The following AP1S1 variants were observed in gnomAD, a reference collection of about 807,000 sequenced individuals.
AP1S1 encodes the protein adaptor related protein complex 1 subunit sigma 1.
AP1S1 carries 13 observed loss-of-function variants against 23.9 expected under a neutral mutation model. The ratio of observed to expected loss-of-function variants is 0.54; its 90% CI spans 0.35 to 0.86. AP1S1 has a LOEUF of 0.86. Among genes scored for constraint, AP1S1 ranks in the 40% least tolerant of loss-of-function variants. The pLI, the probability that AP1S1 is intolerant of heterozygous loss-of-function variation, is 0.01. For synonymous variants in AP1S1, 84 were observed against 77.7 expected, an observed-to-expected ratio of 1.08 and a Z score of -0.43; for missense variants, 119 against 197.6, an observed-to-expected ratio of 0.60 and a Z score of 2.38.
At chr7:101,156,985 C>T (rs887474714) in intron 2 of AP1S1, among the ~76,000 whole-genome samples, 2 of 150,224 alleles carry the variant, frequency 1.3e-5, no homozygotes, top group African/African-American at 2.4e-5. Flanking sequence ...TCACGTGCAA[C>T]ACCTGCCTCA....
chr7:101,154,612 G>T, intron 1 of AP1S1, 95 bp downstream of exon 1: 3 of 1,503,870 alleles, frequency 2.0e-6, no homozygotes, highest in African/African-American at 1.4e-5. Context: ...GAACCGCCCT[G>T]TCTTCCCTCT....
intron 1 of AP1S1, chr7:101,155,131 T>G: frequency 1.6e-5 from 11 of 681,360 alleles, no homozygotes; most frequent in Non-Finnish European, 1.6e-5. Context: ...CTTTCCGGAA[T>G]CCAGGCCTTC....
At position 101,157,051 on chromosome 7, in the gene AP1S1, A is replaced by G. The variant is rs529555482; in HGVS notation, c.182+279A>G. Among the ~76,000 whole-genome samples, 49 of 152,046 alleles carry G rather than the reference A, an allele frequency of 3.2e-4. 1 individual carries two copies. Among genetic ancestry groups the G allele is most frequent in the South Asian group, 6.2e-4 (3 of 4,822 alleles). On this transcript the variant is annotated intron_variant, in intron 2 of 4. Coordinates refer to ENST00000337619, the MANE Select transcript of AP1S1 (RefSeq NM_001283.5). ...CCACTGCGCATGTCCCTTGCAGTCA[A>G]AGGTCCTGCCCTACTTTTCCTAACA...
chr7:101,154,998 G>A, intron 1 of AP1S1: 1 of 995,960 alleles, frequency 1.0e-6, no homozygotes, highest in Non-Finnish European at 1.2e-6. Flanking sequence ...TACTGCGTTC[G>A]TGGCCGTGCT....
chr7:101,154,593 C>T (rs1299694004), intron 1 of AP1S1, 76 bp downstream of exon 1: 5 of 1,532,170 alleles, frequency 3.3e-6, no homozygotes, highest in South Asian at 2.4e-5. Context: ...CGGGGGCCGC[C>T]CTCGGGGTGA....
Position 101,160,763 on chromosome 7 carries a change from C to T in AP1S1, c.*197C>T, listed in dbSNP as rs771590441. On this transcript the variant is annotated 3_prime_UTR_variant, in exon 5 of 5. Transcript: ENST00000337619. The stretch of plus-strand genomic sequence containing the variant: ...CCCTACCTCCACTTTCCCCTTTTCC[C>T]ACTGAAGGTTTTAGAAGCTAGGAGG... The T allele has an allele frequency of 6.7e-6, 5 of 750,812 alleles. No individual in the cohort carries two copies. The highest frequency in any genetic ancestry group is 5.9e-5 in the South Asian group (4 of 67,868). The allele number at this position is 750,812 out of a possible 1,614,324, so 46.5% of individuals were successfully genotyped here.
intron 4 of AP1S1, among the ~76,000 whole-genome samples, chr7:101,159,990 A>G (rs1797066756): frequency 1.5e-5 from 1 of 67,780 alleles, no homozygotes; most frequent in South Asian, 3.9e-4. Flanking sequence ...TGGCGCGCAC[A>G]CACACACACA....
rs771316468 is a variant in AP1S1 at position 101,156,743 on chromosome 7, G to A, written c.153G>A (p.Glu51=). The A allele has an allele frequency of 1.4e-4, 222 of 1,592,546 alleles. No individual in the cohort carries two copies. Among genetic ancestry groups the A allele is most frequent in the Non-Finnish European group, 5.1e-5 (60 of 1,167,256 alleles). Residue 51 remains glutamate (E), a synonymous_variant, in exon 2 of 5, where the codon GAG becomes GAA. Transcript: ENST00000337619. The part of the protein sequence containing the change: ...ARKPKMCSFL[E]WRDLKVVYKR... ...AGCCCAAGATGTGCAGCTTCCTGGA[G>A]TGGAGGGACCTCAAAGTTGTCTATA...
chr7:101,157,818 G>T (rs1029275820), intron 3 of AP1S1, among the ~76,000 whole-genome samples: 2 of 152,144 alleles, frequency 1.3e-5, no homozygotes, highest in African/African-American at 4.8e-5. Context: ...TCACCTGGAG[G>T]AATGCCGCCT....
intron 4 of AP1S1, 103 bp downstream of exon 4, chr7:101,159,299 G>C (rs1797047016): frequency 1.3e-6 from 2 of 1,488,510 alleles, no homozygotes; most frequent in East Asian, 2.5e-5. Context: ...TCGCCAAGGA[G>C]CCCCCCCTCC....
rs1364273308 is a variant in AP1S1, at chr7:101,157,246, A to G, written c.183-131A>G. 10 of 637,482 alleles carry G rather than the reference A, an allele frequency of 1.6e-5. No individual in the cohort carries two copies. In the Admixed American group the frequency reaches 2.8e-4, roughly 18 times the overall value. The allele number at this position is 637,482 out of a possible 1,614,324, so 39.5% of individuals were successfully genotyped here. ...AAGAGGCAGGTGAGTTACTCTTTAC[A>G]TGCCCTAGGGCCACCTCACCTGTGG... is the stretch of plus-strand genomic sequence containing the variant. On this transcript the variant is annotated intron_variant, in intron 2 of 4. Transcript: ENST00000337619.
Position 101,159,139 on chromosome 7 carries a change from G to A in AP1S1, c.372G>A (p.Gln124=). The A allele has an allele frequency of 1.2e-6, 2 of 1,613,786 alleles. No individual in the cohort carries two copies. The highest frequency in any genetic ancestry group is 1.7e-6 in the Non-Finnish European group (2 of 1,179,810). The part of the protein sequence containing the change: ...LDEFLMGGDV[Q]DTSKKSVLKA... ...AGTTTTTGATGGGGGGGGATGTCCA[G>A]GACACCTCCAAGAAGAGTGTGCTGA... Residue 124 remains glutamine (Q), a synonymous_variant, in exon 4 of 5, where the codon CAG becomes CAA. Transcript: ENST00000337619.
intron 4 of AP1S1, among the ~76,000 whole-genome samples, chr7:101,159,984 GCGCACA>G (rs1408372244): frequency 1.1e-4 from 16 of 140,682 alleles, no homozygotes; most frequent in African/African-American, 1.6e-4. Context: ...ACACCCTGGC[GCGCACA>G]CACACACACA....
At chr7:101,156,922 T>TC (rs1797001604) in intron 2 of AP1S1, 150 bp downstream of exon 2, 2 of 758,424 alleles carry the variant, frequency 2.6e-6, no homozygotes, top group African/African-American at 3.6e-5. Context: ...TTTTTTTTTT[T>TC]TTTTTTTCTC....
At chr7:101,155,393 C>A (rs1796977381) in intron 1 of AP1S1, among the ~76,000 whole-genome samples, 1 of 152,132 alleles carries the variant, frequency 6.6e-6, no homozygotes, top group African/African-American at 2.4e-5. Context: ...GTACACTGGG[C>A]AGTGAGGGTT....
chr7:101,155,837 T>C (rs1253345690), intron 1 of AP1S1, among the ~76,000 whole-genome samples: 2 of 152,190 alleles, frequency 1.3e-5, no homozygotes, highest in African/African-American at 2.4e-5. Context: ...AGGCATTTCT[T>C]TGGCGTCGGT....
rs903033922 is a variant in AP1S1, at chr7:101,154,845, T to C, written c.3+328T>C. On this transcript the variant is annotated intron_variant, in intron 1 of 4. Transcript: ENST00000337619. ...CAGGGAAGCCGCCCGAAGCAGAGGG[T>C]TGCGGGAGTCTCTTTGCTGAGGGAG... 31 of 825,294 alleles carry C rather than the reference T, an allele frequency of 3.8e-5. No individual in the cohort carries two copies. In the African/African-American group the frequency reaches 4.6e-4, roughly 12 times the overall value. 51.1% of individuals were successfully genotyped at this position (825,294 alleles called of 1,614,324 possible).
intron 3 of AP1S1, among the ~76,000 whole-genome samples, chr7:101,158,589 G>A (rs957722339): frequency 1.3e-5 from 2 of 152,178 alleles, no homozygotes; most frequent in Non-Finnish European, 2.9e-5. Flanking sequence ...GAGGAAAGAT[G>A]CAAGAGGAAG....
intron 4 of AP1S1, among the ~76,000 whole-genome samples, chr7:101,160,252 A>C (rs1797074344): frequency 6.6e-6 from 1 of 151,376 alleles, no homozygotes; most frequent in Non-Finnish European, 1.5e-5. Context: ...CTGCTTACCA[A>C]GGTCCTGGCT....
Sources: gnomAD v4.1 joint callset for allele counts (sites outside exome capture counted in the v4.1 genomes callset) on GRCh38, gnomAD v4.1.1 for gene constraint, MANE v1.5 for transcripts, NCBI Gene and HGNC (gene_info 2026-07-23, HGNC 2026-07-21) for gene names.